Variants in DYM observed in about 807,000 individuals in gnomAD.
DYM encodes the protein dymeclin, also known as dyggve-Melchior-Clausen syndrome protein.
Under a neutral mutation model 93.1 loss-of-function variants are expected in DYM, and 78 were observed. The observed-to-expected ratio is 0.84, with a 90% CI of 0.70 to 1.01. The LOEUF (loss-of-function observed/expected upper bound fraction) is 1.01, where lower values mean the gene tolerates loss of function less well. Ranked by LOEUF, DYM falls within the 50% of genes least tolerant of loss-of-function variation. The probability of loss-of-function intolerance (pLI) is 0.00; values close to 1 mark genes in which losing one functional copy is unlikely to be tolerated. For missense variants in DYM, 789 were observed against 845.0 expected (o/e 0.93, Z 0.82); for synonymous variants, 321 against 319.7 (o/e 1.00, Z -0.04).
chr18:49,408,446 G>A (rs991571979), intron 2 of DYM, among the ~76,000 whole-genome samples: 2 of 152,180 alleles, frequency 1.3e-5, no homozygotes, highest in African/African-American at 4.8e-5. Context: ...ATCTGGAAGT[G>A]CAATTGCTAG....
chr18:49,067,369 T>C (rs1373471602), intron 17 of DYM, among the ~76,000 whole-genome samples: 45 of 149,578 alleles, frequency 3.0e-4, no homozygotes, highest in South Asian at 6.4e-4. Flanking sequence ...GGGTGATGTG[T>C]TATGGAGGTT....
At chr18:49,438,827 C>A (rs2081077779) in intron 1 of DYM, among the ~76,000 whole-genome samples, 1 of 152,214 alleles carries the variant, frequency 6.6e-6, no homozygotes, top group African/African-American at 2.4e-5. Context: ...GAAAACTGAG[C>A]CCCAATGGCA....
chr18:49,121,278 TAG>T (rs2082356591), intron 15 of DYM, among the ~76,000 whole-genome samples: 1 of 152,084 alleles, frequency 6.6e-6, no homozygotes, highest in African/African-American at 2.4e-5. Flanking sequence ...GTTTCAATAA[TAG>T]ACTGGACAGA....
At chr18:49,330,104 T>A (rs2063204214) in intron 8 of DYM, among the ~76,000 whole-genome samples, 1 of 152,220 alleles carries the variant, frequency 6.6e-6, no homozygotes, top group Admixed American at 6.5e-5. Context: ...GTTGTTTTTT[T>A]ATAATCCTTT....
At chr18:49,126,659 A>AT (rs11459554) in intron 15 of DYM, among the ~76,000 whole-genome samples, 151,227 of 152,052 alleles carry the variant, frequency 0.99, 75,210 homozygotes, top group Middle Eastern at 1. Context: ...ATATTATTTG[A>AT]TTTTTTTTCA....
Position 49,041,263 on chromosome 18 carries a change from T to C in DYM, c.*2792A>G, listed in dbSNP as rs1412171811. Among the ~76,000 whole-genome samples the C allele has an allele frequency of 6.6e-6, 1 of 152,218 alleles. No homozygotes were observed. Among genetic ancestry groups the C allele is most frequent in the Admixed American group, 6.5e-5 (1 of 15,284 alleles). ...TGAACTCTTGATAGGGAAGATGCTATTGAAAGGGACAAATTCTTTTAAAAG... is the reference window on the plus strand; with the variant it reads ...TGAACTCTTGATAGGGAAGATGCTACTGAAAGGGACAAATTCTTTTAAAAG... On this transcript the variant is annotated 3_prime_UTR_variant, in exon 18 of 18. Coordinates refer to ENST00000675505, the MANE Select transcript of DYM (RefSeq NM_001353214.3).
intron 17 of DYM, among the ~76,000 whole-genome samples, chr18:49,090,922 G>GT (rs1568403832): frequency 6.6e-6 from 1 of 152,148 alleles, no homozygotes; most frequent in African/African-American, 2.4e-5. Flanking sequence ...TCACAGTAGG[G>GT]TTTTGTAGCT....
At chr18:49,401,122 A>G (rs1448499327) in intron 2 of DYM, among the ~76,000 whole-genome samples, 2 of 152,240 alleles carry the variant, frequency 1.3e-5, no homozygotes, top group Non-Finnish European at 1.5e-5. Context: ...AGTATCACAC[A>G]GTATACTTCA....
chr18:49,243,057 A>G (rs935900599), intron 13 of DYM, among the ~76,000 whole-genome samples: 2 of 152,148 alleles, frequency 1.3e-5, no homozygotes, highest in Non-Finnish European at 2.9e-5. Context: ...ATGGACAGAG[A>G]AAAGAGCTGC....
At chr18:49,217,614 A>G (rs1600736245) in intron 13 of DYM, among the ~76,000 whole-genome samples, 1 of 152,222 alleles carries the variant, frequency 6.6e-6, no homozygotes, top group Admixed American at 6.5e-5. Context: ...ATTCTTAAAG[A>G]AAAGAATTTT....
Position 49,258,837 on chromosome 18 carries a change from CACAGAGAG to C in DYM, c.1252-352_1252-345del, listed in dbSNP as rs1394755863. 7.6e-3 allele frequency among the ~76,000 whole-genome samples: 1,044 copies of C among 138,074 alleles called. 20 individuals are homozygous for C. The highest frequency in any genetic ancestry group is 0.05 in the East Asian group (233 of 4,622). 90.6% of individuals were successfully genotyped at this position (138,074 alleles called of 152,430 possible). A position where few individuals can be genotyped will look rare whatever the true frequency, so the allele number is the denominator to read the frequency against. On this transcript the variant is annotated intron_variant, in intron 11 of 17. Transcript: ENST00000675505. ...ACACACACACAGAGACACACACACA[CACAGAGAG>C]AGAGAGAGAGAGAGAGAGAGAGAGA...
At chr18:49,090,665 C>G (rs888400518) in intron 17 of DYM, among the ~76,000 whole-genome samples, 2 of 152,098 alleles carry the variant, frequency 1.3e-5, no homozygotes, top group African/African-American at 2.4e-5. Context: ...CTTTATTGGA[C>G]TCTCATAGAG....
At chr18:49,317,054 A>G (rs760155977) in intron 8 of DYM, among the ~76,000 whole-genome samples, 1 of 152,180 alleles carries the variant, frequency 6.6e-6, no homozygotes, top group Non-Finnish European at 1.5e-5. Flanking sequence ...TAAACTATGG[A>G]CTTTAGTCCA....
intron 15 of DYM, among the ~76,000 whole-genome samples, chr18:49,124,860 A>G (rs2082670420): frequency 6.6e-6 from 1 of 152,274 alleles, no homozygotes; most frequent in African/African-American, 2.4e-5. Context: ...ATTTTAATGT[A>G]CAACTATTTT....
chr18:49,080,237 G>C (rs1599590616), intron 17 of DYM, among the ~76,000 whole-genome samples: 2 of 126,632 alleles, frequency 1.6e-5, no homozygotes, highest in South Asian at 5.4e-4. Flanking sequence ...TCTCGGACGG[G>C]GCGGCTGGCC....
chr18:49,321,262 C>A (rs2146592181), intron 8 of DYM: 1 of 397,410 alleles, frequency 2.5e-6, no homozygotes, highest in Non-Finnish European at 4.4e-6. Context: ...AGAAACTTAT[C>A]CCAGGATTTC....
chr18:49,282,345 C>T lies in DYM; in HGVS notation c.947-170G>A, dbSNP rs11660853. On this transcript the variant is annotated intron_variant, in intron 9 of 17. Coordinates refer to ENST00000675505, the MANE Select transcript of DYM (RefSeq NM_001353214.3). ...AAATTTACTTTAGGGCCAGGCATGG[C>T]GGCTCACGCCTGTAATCCCAGCACT... Among the ~76,000 whole-genome samples the T allele has an allele frequency of 0.11, 16,667 of 152,174 alleles. 1,468 individuals carry two copies. The highest frequency in any genetic ancestry group is 0.33 in the East Asian group (1,719 of 5,176).
chr18:49,426,315 A>G (rs941655085), intron 2 of DYM, among the ~76,000 whole-genome samples: 1 of 146,768 alleles, frequency 6.8e-6, no homozygotes, highest in Non-Finnish European at 1.5e-5. Flanking sequence ...CAAACACCAC[A>G]TGCTCTCACT....
chr18:49,138,911 TGAG>T (rs1299596440), intron 15 of DYM, among the ~76,000 whole-genome samples: 9 of 152,100 alleles, frequency 5.9e-5, no homozygotes, highest in Non-Finnish European at 1.2e-4. Context: ...TCCAATTAAA[TGAG>T]GAGTAATACC....
Sources: gnomAD v4.1 joint callset for allele counts (sites outside exome capture counted in the v4.1 genomes callset) on GRCh38, gnomAD v4.1.1 for gene constraint, MANE v1.5 for transcripts, NCBI Gene and HGNC (gene_info 2026-07-23, HGNC 2026-07-21) for gene names.